The following LARP1 variants were observed in gnomAD, a reference collection of about 807,000 sequenced individuals.
LARP1 encodes la-related protein 1.
In LARP1, 36 loss-of-function variants were observed where a neutral mutation model predicts 122.7. The ratio of observed to expected loss-of-function variants is 0.29; its 90% confidence interval spans 0.22 to 0.39. LARP1 has a LOEUF of 0.39. Ranked by LOEUF, LARP1 falls within the 10% of genes least tolerant of loss-of-function variation. The pLI is 1.00. For synonymous variants in LARP1, 539 were observed against 528.7 expected, an observed-to-expected ratio of 1.02 and a Z score of -0.27; for missense variants, 1,040 against 1,403.6, an observed-to-expected ratio of 0.74 and a Z score of 4.14.
intron 1 of LARP1, chr5:154,786,462 T>G: frequency 2.2e-6 from 1 of 456,178 alleles, no homozygotes; most frequent in South Asian, 1.5e-5. Context: ...GAAGGTGGTT[T>G]TCCTTCTCTT....
chr5:154,710,742 CAAAA>C (rs35253134), upstream of LARP1, among the ~76,000 whole-genome samples: 7 of 92,426 alleles, frequency 7.6e-5, no homozygotes, highest in Admixed American at 1.3e-4. Context: ...GACTCCATCT[CAAAA>C]AAAAAAAAAA....
At chr5:154,686,406 G>A (rs1346706456) in intron 1 of LARP1, among the ~76,000 whole-genome samples, 1 of 152,176 alleles carries the variant, frequency 6.6e-6, no homozygotes, top group African/African-American at 2.4e-5. Flanking sequence ...CAAAAGCAAA[G>A]GTGCAGAGGG....
chr5:154,776,960 A>G (rs1037823332), intron 1 of LARP1, among the ~76,000 whole-genome samples: 1 of 152,258 alleles, frequency 6.6e-6, no homozygotes, highest in Non-Finnish European at 1.5e-5. Flanking sequence ...AATAAATATC[A>G]AAACAACCCA....
intron 16 of LARP1, 131 bp from the exon 17 acceptor site, chr5:154,811,116 G>T (rs149197349): frequency 1.5e-6 from 1 of 661,304 alleles, no homozygotes; most frequent in Non-Finnish European, 2.6e-6. Flanking sequence ...TTCTAAAAGC[G>T]TGTATGCTGT....
At chr5:154,790,832 C>T (rs1432283531) in intron 3 of LARP1, 122 bp downstream of exon 3, 14 of 917,348 alleles carry the variant, frequency 1.5e-5, no homozygotes, top group Non-Finnish European at 2.4e-5. Context: ...CTTTTTTTTC[C>T]CCCCAACAGA....
chr5:154,726,138 C>T (rs1043208373), intron 1 of LARP1, among the ~76,000 whole-genome samples: 5 of 152,168 alleles, frequency 3.3e-5, no homozygotes, highest in Non-Finnish European at 5.9e-5. Context: ...CCGCACCTGG[C>T]CAACATTTCA....
chr5:154,812,024 C>T (rs1759314381), intron 18 of LARP1, among the ~76,000 whole-genome samples: 1 of 152,200 alleles, frequency 6.6e-6, no homozygotes, highest in Non-Finnish European at 1.5e-5. Context: ...ATGCCCAGGT[C>T]TCTTATGTTC....
At chr5:154,701,649 T>G in intron 1 of LARP1, among the ~76,000 whole-genome samples, 2 of 143,712 alleles carry the variant, frequency 1.4e-5, no homozygotes, top group African/African-American at 2.6e-5. Context: ...TGAGACAGAG[T>G]CTCGCACTGT....
chr5:154,808,318 A>C (rs1758962482), intron 15 of LARP1, 141 bp from the exon 16 acceptor site: 4 of 993,354 alleles, frequency 4.0e-6, no homozygotes, highest in South Asian at 1.7e-5. Flanking sequence ...ATATCTGCTG[A>C]ATGACTGAGT....
rs1753796078 is a variant in LARP1 at position 154,755,627 on chromosome 5, C to T, written c.-131C>T. Reference sequence around the variant, plus strand: ...GAGGGGGCCGCACCTCGCGTGAACCCCGACCCTTCTCTGCAGGGACTGGGG... The same window carrying T: ...GAGGGGGCCGCACCTCGCGTGAACCTCGACCCTTCTCTGCAGGGACTGGGG... On this transcript the variant is annotated 5_prime_UTR_variant, in exon 1 of 19. Coordinates refer to ENST00000518297, the MANE Select transcript of LARP1 (RefSeq NM_033551.3). 1 of 987,370 alleles carries T rather than the reference C, an allele frequency of 1.0e-6. No individual in the cohort carries two copies. The highest frequency in any genetic ancestry group is 1.2e-6 in the Non-Finnish European group (1 of 830,074). The allele number at this position is 987,370 out of a possible 1,614,324, so 61.2% of individuals were successfully genotyped here. A position where few individuals can be genotyped will look rare whatever the true frequency, so the allele number is the denominator to read the frequency against.
intron 1 of LARP1, among the ~76,000 whole-genome samples, chr5:154,734,467 C>T (rs544950246): frequency 2.0e-5 from 3 of 152,104 alleles, no homozygotes; most frequent in Non-Finnish European, 4.4e-5. Context: ...AAAATCAGCA[C>T]TCAGAAATAA....
At chr5:154,766,022 T>C (rs1050787881) in intron 1 of LARP1, among the ~76,000 whole-genome samples, 5 of 152,112 alleles carry the variant, frequency 3.3e-5, no homozygotes, top group African/African-American at 1.2e-4. Context: ...CAATTCAGTA[T>C]AGGTCAGAGA....
intron 1 of LARP1, among the ~76,000 whole-genome samples, chr5:154,764,550 A>T (rs60702205): frequency 0.89 from 125,801 of 141,408 alleles, 56,691 homozygotes; most frequent in African/African-American, 0.97. Context: ...ATATTGAGCA[A>T]GAGCCACTGC....
In LARP1 at chr5:154,755,562, G is replaced by T; in HGVS notation, c.-196G>T. 3.0e-6 allele frequency: 3 copies of T among 986,506 alleles called. No homozygotes were observed. The highest frequency in any genetic ancestry group is 3.6e-6 in the Non-Finnish European group (3 of 829,832). The allele number at this position is 986,506 out of a possible 1,614,324, so 61.1% of individuals were successfully genotyped here. On this transcript the variant is annotated 5_prime_UTR_variant, in exon 1 of 19. Coordinates refer to ENST00000518297, the MANE Select transcript of LARP1 (RefSeq NM_033551.3). Reference sequence around the variant, plus strand: ...GGGGGCCTTCCTCCCCCCCCGCCCCGCTAGTGGGCCTCGGATTTACGGCGG... The same window carrying T: ...GGGGGCCTTCCTCCCCCCCCGCCCCTCTAGTGGGCCTCGGATTTACGGCGG...
chr5:154,811,138 A>G (rs1561637218), intron 16 of LARP1, 109 bp from the exon 17 acceptor site: 2 of 780,870 alleles, frequency 2.6e-6, no homozygotes, highest in Non-Finnish European at 4.2e-6. Context: ...TTTTCAATAC[A>G]GAAATAACAT....
At chr5:154,716,471 G>C (rs1384554482) in intron 1 of LARP1, among the ~76,000 whole-genome samples, 1 of 152,044 alleles carries the variant, frequency 6.6e-6, no homozygotes. Context: ...TTTTGAGACA[G>C]AGAGTATCAC....
At chr5:154,754,566 T>C (rs1753679468), upstream of LARP1, among the ~76,000 whole-genome samples, 1 of 152,196 alleles carries the variant, frequency 6.6e-6, no homozygotes, top group Non-Finnish European at 1.5e-5. Flanking sequence ...TTCCTGCCCA[T>C]AAATACAAGG....
intron 1 of LARP1, among the ~76,000 whole-genome samples, chr5:154,698,745 T>G (rs1357630906): frequency 6.6e-6 from 1 of 152,160 alleles, no homozygotes; most frequent in African/African-American, 2.4e-5. Flanking sequence ...AAAGGAAATA[T>G]CTAATTCACC....
Position 154,691,801 on chromosome 5 carries a change from CTT to C in LARP1, c.-180+8775_-180+8776del, listed in dbSNP as rs55818234. Among the ~76,000 whole-genome samples, 208 of 57,022 alleles carry C rather than the reference CTT, an allele frequency of 3.6e-3. 2 individuals are homozygous for C. In the East Asian group the frequency reaches 0.072, roughly 20 times the overall value. 37.4% of individuals were successfully genotyped at this position (57,022 alleles called of 152,430 possible). ...CACAGCCCTGCTCACCCTTTTCGTTCTTTTTTTTTTTTCTTTTTCTTTTTTGA... is the reference window on the plus strand; with the variant it reads ...CACAGCCCTGCTCACCCTTTTCGTTCTTTTTTTTTTCTTTTTCTTTTTTGA... On this transcript the variant is annotated intron_variant, in intron 1 of 18. Coordinates refer to the LARP1 transcript ENST00000687700.
Sources: gnomAD v4.1 joint callset for allele counts (sites outside exome capture counted in the v4.1 genomes callset) on GRCh38, gnomAD v4.1.1 for gene constraint, MANE v1.5 for transcripts, NCBI Gene and HGNC (gene_info 2026-07-23, HGNC 2026-07-21) for gene names.